Variants in CS observed in about 807,000 individuals in gnomAD.
The protein encoded by CS is citrate synthase, mitochondrial.
Under a neutral mutation model 61.4 loss-of-function variants are expected in CS, and 13 were observed. The observed-to-expected ratio is 0.21, with a 90% CI of 0.14 to 0.34. The LOEUF is 0.34. Ranked by LOEUF, CS falls within the 10% of genes least tolerant of loss-of-function variation. The pLI is 1.00. For synonymous variants in CS, 159 were observed against 215.2 expected (o/e 0.74, Z 2.29); for missense variants, 278 against 573.4 (o/e 0.48, Z 5.26).
At chr12:56,282,732 G>C (rs987731750) in intron 5 of CS, 124 bp from the exon 6 acceptor site, 1 of 1,532,460 alleles carries the variant, frequency 6.5e-7, no homozygotes, top group Non-Finnish European at 8.9e-7. Context: ...TTATACAGCA[G>C]AACTCTGCTG....
intron 1 of CS, chr12:56,298,587 A>T: frequency 1.0e-6 from 1 of 983,728 alleles, no homozygotes; most frequent in Non-Finnish European, 1.2e-6. Context: ...AACTTGCTTC[A>T]TTTCCCAAGA....
intron 7 of CS, chr12:56,275,373 G>C (rs1329462740): frequency 1.1e-5 from 5 of 438,472 alleles, no homozygotes; most frequent in Admixed American, 3.7e-5. Flanking sequence ...AAGAGATCAA[G>C]ACCATCCTGG....
At position 56,284,319 on chromosome 12, in the gene CS, C is replaced by CAAAAAA. The variant is rs57352870; in HGVS notation, c.202-468_202-463dup. Among the ~76,000 whole-genome samples, 111 of 73,358 alleles carry CAAAAAA rather than the reference C, an allele frequency of 1.5e-3. 1 individual carries two copies. Among genetic ancestry groups the CAAAAAA allele is most frequent in the East Asian group, 4.9e-3 (12 of 2,460 alleles). The allele number at this position is 73,358 out of a possible 152,430, so 48.1% of individuals were successfully genotyped here. On this transcript the variant is annotated intron_variant, in intron 3 of 10. Transcript: ENST00000351328. ...GGGTGACAAGAGCAAAACTCCATCT[C>CAAAAAA]AAAAAAAAAAAAAAAAAAGAAAAAA...
intron 1 of CS, chr12:56,298,567 C>T (rs1873379798): frequency 1.6e-5 from 15 of 946,276 alleles, no homozygotes; most frequent in African/African-American, 5.3e-5. Flanking sequence ...TCTGCCAAAA[C>T]GCTATCTAGA....
intron 1 of CS, chr12:56,291,272 G>A (rs1407030287): frequency 3.6e-6 from 4 of 1,100,720 alleles, no homozygotes; most frequent in South Asian, 3.9e-5. Context: ...AGGCAGTCAA[G>A]CCTGAGGCAG....
At chr12:56,292,290 C>T (rs933761812) in intron 1 of CS, among the ~76,000 whole-genome samples, 3 of 150,854 alleles carry the variant, frequency 2.0e-5, no homozygotes, top group African/African-American at 7.3e-5. Flanking sequence ...CCCAGCTACT[C>T]GGGAGGCTGA....
In CS at chr12:56,273,053, T is replaced by C. The variant is rs1467247409; in HGVS notation, c.*31A>G. On this transcript the variant is annotated 3_prime_UTR_variant, in exon 11 of 11. Transcript: ENST00000351328. ...ACTTTTTATTTAGGCTTCCTCACTT[T>C]CTGGTAGTCACTTTCACCCAGTCTC... The C allele has an allele frequency of 1.3e-6, 2 of 1,569,138 alleles. No individual in the cohort carries two copies. Among genetic ancestry groups the C allele is most frequent in the African/African-American group, 1.4e-5 (1 of 72,984 alleles).
At chr12:56,277,928 C>T (rs967403027) in intron 6 of CS, among the ~76,000 whole-genome samples, 3 of 151,956 alleles carry the variant, frequency 2.0e-5, no homozygotes, top group Non-Finnish European at 2.9e-5. Flanking sequence ...CGCACCCGGC[C>T]GAGGCTTCCA....
At chr12:56,299,413 A>T (rs2135929292) in intron 1 of CS, among the ~76,000 whole-genome samples, 1 of 152,354 alleles carries the variant, frequency 6.6e-6, no homozygotes, top group Middle Eastern at 3.4e-3. Context: ...AGCAAGTAGT[A>T]TGACGGTCAT....
intron 4 of CS, 94 bp downstream of exon 4, chr12:56,283,697 GC>G: frequency 1.2e-6 from 1 of 828,674 alleles, no homozygotes; most frequent in Middle Eastern, 2.3e-4. Context: ...GAAGCTAGGT[GC>G]TCTGTTTTGT....
intron 1 of CS, chr12:56,298,728 T>C (rs151038794): frequency 3.1e-6 from 3 of 967,490 alleles, no homozygotes; most frequent in Non-Finnish European, 3.7e-6. Context: ...AATTTCACTT[T>C]GTGCCAACCA....
intron 1 of CS, chr12:56,291,201 G>C (rs999512439): frequency 8.6e-7 from 1 of 1,165,702 alleles, no homozygotes; most frequent in African/African-American, 1.7e-5. Flanking sequence ...TCTTACAAAT[G>C]TGTTGGCCTA....
At chr12:56,277,534 T>A (rs1384723895) in intron 6 of CS, among the ~76,000 whole-genome samples, 2 of 150,810 alleles carry the variant, frequency 1.3e-5, no homozygotes, top group African/African-American at 2.4e-5. Context: ...GTTTTAATAA[T>A]GAATTCTATG....
chr12:56,292,894 ACT>A (rs988392690), intron 1 of CS, among the ~76,000 whole-genome samples: 41 of 151,566 alleles, frequency 2.7e-4, no homozygotes, highest in Middle Eastern at 3.4e-3. Flanking sequence ...ACAGAGTGAG[ACT>A]CTGTCTCAAA....
chr12:56,277,731 C>T (rs925470995), intron 6 of CS, among the ~76,000 whole-genome samples: 5 of 144,954 alleles, frequency 3.4e-5, no homozygotes, highest in African/African-American at 1.3e-4. Flanking sequence ...CCCGGGTTCA[C>T]GCCATTCTCC....
Position 56,289,491 on chromosome 12 carries a change from G to T in CS, c.43-2846C>A, listed in dbSNP as rs541839405. On this transcript the variant is annotated intron_variant, in intron 1 of 10. Transcript: ENST00000351328. ...GGAGTCCCGCTATGTTACCCAGGCC[G>T]GAGTGCAGTGGTGCGATCTCAGCTC... 7.9e-4 allele frequency among the ~76,000 whole-genome samples: 120 copies of T among 151,746 alleles called. 2 individuals carry two copies. The highest frequency in any genetic ancestry group is 2.8e-3 in the African/African-American group (116 of 41,372).
intron 5 of CS, 48 bp downstream of exon 5, chr12:56,282,812 C>G: frequency 6.2e-7 from 1 of 1,609,072 alleles, no homozygotes; most frequent in Non-Finnish European, 8.5e-7. Context: ...TAGAGAAAGG[C>G]AATGAAGAAG....
rs1377034772 is a variant in CS at position 56,282,404 on chromosome 12, C to T, written c.588+16G>A. The T allele has an allele frequency of 1.3e-6, 2 of 1,566,852 alleles. No homozygotes were observed. The highest frequency in any genetic ancestry group is 1.7e-6 in the Non-Finnish European group (2 of 1,154,290). ...AATCCCCATCACACACCGATCACCC[C>T]ACCCAAATTTCCTACCTCCCAGTAC... is the stretch of plus-strand genomic sequence containing the variant. On this transcript the variant is annotated intron_variant, in intron 6 of 10. Coordinates refer to ENST00000351328, the MANE Select transcript of CS (RefSeq NM_004077.3).
At chr12:56,282,017 C>A (rs1229322302) in intron 6 of CS, among the ~76,000 whole-genome samples, 1 of 152,158 alleles carries the variant, frequency 6.6e-6, no homozygotes, top group African/African-American at 2.4e-5. Flanking sequence ...CGGCATCACG[C>A]CTGGCTAATT....
Sources: allele counts gnomAD v4.1 joint callset (sites outside exome capture counted in the v4.1 genomes callset), GRCh38; gene constraint gnomAD v4.1.1; transcripts MANE v1.5; gene names NCBI Gene and HGNC (gene_info 2026-07-23, HGNC 2026-07-21).